The following TNNI3K variants were observed in gnomAD, a reference collection of about 807,000 sequenced individuals.
The protein encoded by TNNI3K is serine/threonine-protein kinase TNNI3K.
TNNI3K carries 140 observed loss-of-function variants against 114.5 expected under a neutral mutation model. That is an observed-to-expected ratio of 1.22 (90% CI 1.07 to 1.41). The LOEUF (loss-of-function observed/expected upper bound fraction) is 1.41, where lower values mean the gene tolerates loss of function less well. Ranked by LOEUF, TNNI3K falls within the 40% of genes most tolerant of loss-of-function variation. The probability of loss-of-function intolerance (pLI) is 0.00; values close to 1 mark genes in which losing one functional copy is unlikely to be tolerated. For synonymous variants in TNNI3K, 347 were observed against 347.5 expected (o/e 1.00, Z 0.02); for missense variants, 1,125 against 1,007.6 (o/e 1.12, Z -1.58).
intron 11 of TNNI3K, among the ~76,000 whole-genome samples, chr1:74,364,031 C>A (rs1038348059): frequency 6.7e-6 from 1 of 148,962 alleles, no homozygotes; most frequent in Non-Finnish European, 1.5e-5. Context: ...GGGTCTCACC[C>A]AGGTCTAGCC....
At chr1:74,466,331 G>A (rs943176772) in intron 21 of TNNI3K, among the ~76,000 whole-genome samples, 2 of 152,094 alleles carry the variant, frequency 1.3e-5, no homozygotes, top group Non-Finnish European at 2.9e-5. Context: ...ATAGATAACA[G>A]GCATGTGGAA....
intron 13 of TNNI3K, 65 bp downstream of exon 13, chr1:74,368,029 T>C (rs1662372282): frequency 2.8e-6 from 4 of 1,436,926 alleles, no homozygotes; most frequent in Non-Finnish European, 3.7e-6. Context: ...TCAAATGTAA[T>C]TTTCAATTTT....
intron 5 of TNNI3K, among the ~76,000 whole-genome samples, chr1:74,277,767 G>C (rs963278956): frequency 6.6e-6 from 1 of 152,186 alleles, no homozygotes; most frequent in Non-Finnish European, 1.5e-5. Context: ...GTAATGTATA[G>C]AGGTTGTGGA....
chr1:74,367,802 G>C, intron 12 of TNNI3K, 106 bp from the exon 13 acceptor site: 1 of 1,058,678 alleles, frequency 9.4e-7, no homozygotes, highest in Non-Finnish European at 1.4e-6. Context: ...GGCCTGAAGC[G>C]ATAGTTTTAC....
chr1:74,529,853 A>G (rs928560339), intron 23 of TNNI3K, among the ~76,000 whole-genome samples: 3 of 152,116 alleles, frequency 2.0e-5, no homozygotes, highest in African/African-American at 7.2e-5. Context: ...CTCTCCCTGG[A>G]TGACCCCACC....
At position 74,381,453 on chromosome 1, in the gene TNNI3K, C is replaced by A. The variant is rs1014042295; in HGVS notation, c.1772+11061C>A. Among the ~76,000 whole-genome samples, 10 of 152,246 alleles carry A rather than the reference C, an allele frequency of 6.6e-5. No individual in the cohort carries two copies. The South Asian group carries it at 1.9e-3, about 28-fold the overall frequency. Reference sequence around the variant, plus strand: ...TCACTATTAAATTTTCTTGCATGCCCTAGTTGCCCTCCTGAATTAAATGTT... The same window carrying A: ...TCACTATTAAATTTTCTTGCATGCCATAGTTGCCCTCCTGAATTAAATGTT... On this transcript the variant is annotated intron_variant, in intron 17 of 24. Transcript: ENST00000326637.
In TNNI3K at chr1:74,235,474, C is replaced by T. The variant is rs756332135; in HGVS notation, c.23C>T (p.Pro8Leu). The stretch of plus-strand genomic sequence containing the variant: ...TAAATGGGAAATTATAAATCTAGAC[C>T]AACCCAAACTTGTACTGGTAATTAT... MGNYKSR[P>L]TQTCTDEWKK... The change falls in exon 1 of 25, where the codon CCA becomes CTA. Residue 8 changes from proline to leucine, a missense_variant. Physicochemically the swap from Pro to Leu is moderately conservative, Grantham distance 98. Transcript: ENST00000326637. 6.6e-7 allele frequency: 1 copy of T among 1,510,934 alleles called. No individual in the cohort carries two copies. The highest frequency in any genetic ancestry group is 2.3e-5 in the East Asian group (1 of 42,998). 93.6% of individuals were successfully genotyped at this position (1,510,934 alleles called of 1,614,324 possible).
At chr1:74,412,056 C>CA (rs1438216674) in intron 17 of TNNI3K, among the ~76,000 whole-genome samples, 6 of 152,082 alleles carry the variant, frequency 3.9e-5, no homozygotes, top group Non-Finnish European at 8.8e-5. Context: ...AACATAGCTA[C>CA]AAAAAAGGTA....
chr1:74,397,511 C>T (rs1307131136), intron 17 of TNNI3K, among the ~76,000 whole-genome samples: 1 of 152,152 alleles, frequency 6.6e-6, no homozygotes, highest in African/African-American at 2.4e-5. Context: ...AGATGCTTGA[C>T]TGGTTCCCAA....
At chr1:74,337,843 T>A (rs1660554885) in intron 7 of TNNI3K, among the ~76,000 whole-genome samples, 1 of 152,122 alleles carries the variant, frequency 6.6e-6, no homozygotes, top group Admixed American at 6.6e-5. Context: ...CTCAACAAGA[T>A]GATTTGGACA....
intron 23 of TNNI3K, among the ~76,000 whole-genome samples, chr1:74,522,794 A>T (rs1423141351): frequency 6.6e-6 from 1 of 151,942 alleles, no homozygotes; most frequent in African/African-American, 2.4e-5. Flanking sequence ...GAAAATCTGT[A>T]GTCTTTTTAC....
chr1:74,353,372 G>A lies in TNNI3K; in HGVS notation c.1027+12G>A, dbSNP rs1365496140. The A allele has an allele frequency of 1.2e-6, 2 of 1,612,548 alleles. No homozygotes were observed. The highest frequency in any genetic ancestry group is 4.5e-5 in the East Asian group (2 of 44,844). On this transcript the variant is annotated intron_variant, in intron 10 of 24. Coordinates refer to ENST00000326637, the MANE Select transcript of TNNI3K (RefSeq NM_015978.3). ...GGATGGGCACACTGGTAAGACTGTG[G>A]TGAAAACACCACTAGTTCTATATGC...
intron 17 of TNNI3K, among the ~76,000 whole-genome samples, chr1:74,391,972 T>A (rs953830794): frequency 1.2e-4 from 17 of 142,914 alleles, no homozygotes; most frequent in African/African-American, 3.4e-4. Context: ...TTTTTTTTTT[T>A]TTTTTTTTTT....
At chr1:74,347,989 T>C (rs1486601067) in intron 9 of TNNI3K, among the ~76,000 whole-genome samples, 2 of 152,258 alleles carry the variant, frequency 1.3e-5, no homozygotes, top group Middle Eastern at 3.4e-3. Context: ...TGTGCAGAAG[T>C]TCTTTAGTTT....
chr1:74,437,466 G>C (rs185863166), intron 19 of TNNI3K, among the ~76,000 whole-genome samples: 36 of 152,164 alleles, frequency 2.4e-4, no homozygotes, highest in African/African-American at 8.4e-4. Flanking sequence ...AATGAATGGA[G>C]AGTGATGAGG....
At chr1:74,466,361 G>T (rs180700633) in intron 21 of TNNI3K, among the ~76,000 whole-genome samples, 1 of 152,286 alleles carries the variant, frequency 6.6e-6, no homozygotes, top group Non-Finnish European at 1.5e-5. Context: ...TCAATGTAAA[G>T]ATAGGTCATT....
At chr1:74,542,377 A>G (rs1646737565) in intron 24 of TNNI3K, among the ~76,000 whole-genome samples, 1 of 152,214 alleles carries the variant, frequency 6.6e-6, no homozygotes, top group South Asian at 2.1e-4. Context: ...CCTGAAATGA[A>G]GTCTCATTTT....
At chr1:74,509,877 C>T (rs1293036787) in intron 23 of TNNI3K, among the ~76,000 whole-genome samples, 2 of 149,212 alleles carry the variant, frequency 1.3e-5, no homozygotes, top group African/African-American at 4.9e-5. Flanking sequence ...CCTCAGCTCC[C>T]CAAGTAGCTG....
chr1:74,458,124 G>T (rs927289342), intron 20 of TNNI3K, among the ~76,000 whole-genome samples: 1 of 152,156 alleles, frequency 6.6e-6, no homozygotes, highest in Non-Finnish European at 1.5e-5. Context: ...AGCCAACAAT[G>T]TGCCTGGAGC....
Sources: allele counts gnomAD v4.1 joint callset (sites outside exome capture counted in the v4.1 genomes callset), GRCh38; gene constraint gnomAD v4.1.1; transcripts MANE v1.5; gene names NCBI Gene and HGNC (gene_info 2026-07-23, HGNC 2026-07-21).